SCN9A: variants seen among roughly 807,000 people sequenced by gnomAD.
SCN9A encodes the protein sodium channel protein type 9 subunit alpha.
SCN9A carries 131 observed loss-of-function variants against 187.0 expected under a neutral mutation model. The observed-to-expected ratio is 0.70, with a 90% CI of 0.61 to 0.81. The LOEUF (loss-of-function observed/expected upper bound fraction) is 0.81. SCN9A is among the 30% of genes least tolerant of loss of function. The pLI is 0.00. For missense variants in SCN9A, 2,252 were observed against 2,396.6 expected (o/e 0.94, Z 1.26); for synonymous variants, 809 against 808.6 (o/e 1.00, Z -0.01).
chr2:166,198,475 T>G lies in SCN9A; in HGVS notation c.*197A>C, dbSNP rs202044438. 4 of 547,606 alleles carry G rather than the reference T, an allele frequency of 7.3e-6. No homozygotes were observed. The highest frequency in any genetic ancestry group is 3.4e-5 in the Admixed American group (1 of 29,514). The allele number at this position is 547,606 out of a possible 1,614,324, so 33.9% of individuals were successfully genotyped here. A position where few individuals can be genotyped will look rare whatever the true frequency, so the allele number is the denominator to read the frequency against. On this transcript the variant is annotated 3_prime_UTR_variant, in exon 27 of 27. Transcript: ENST00000642356. ...TAATTCCTACAGAGTTCTCTTACGA[T>G]TCTTAAAGAATCATCAGTGCAAAAA... is the stretch of plus-strand genomic sequence containing the variant.
intron 15 of SCN9A, 89 bp downstream of exon 15, chr2:166,278,051 C>A: frequency 9.1e-7 from 1 of 1,095,988 alleles, no homozygotes; most frequent in South Asian, 1.7e-5. Flanking sequence ...CCTTTTGATT[C>A]AAATTCCCAA....
chr2:166,350,004 T>A (rs56292816), intron 1 of SCN9A, among the ~76,000 whole-genome samples: 23,731 of 150,026 alleles, frequency 0.16, 1,964 homozygotes, highest in African/African-American at 0.2. Context: ...AAATAAAAAA[T>A]AAAATAAAAT....
At chr2:166,357,270 G>C (rs571707506) in intron 1 of SCN9A, among the ~76,000 whole-genome samples, 1 of 152,260 alleles carries the variant, frequency 6.6e-6, no homozygotes, top group Non-Finnish European at 1.5e-5. Flanking sequence ...GAGTGAAATT[G>C]CTGAGTCATA....
intron 25 of SCN9A, 39 bp from the exon 26 acceptor site, chr2:166,204,264 C>T (rs1434800245): frequency 6.3e-7 from 1 of 1,585,518 alleles, no homozygotes. Flanking sequence ...GCAGAGTAAA[C>T]TTTTCAAGTA....
At chr2:166,228,568 T>A in intron 22 of SCN9A, 123 bp downstream of exon 22, 1 of 738,652 alleles carries the variant, frequency 1.4e-6, no homozygotes, top group Non-Finnish European at 2.0e-6. Context: ...AGACTGGCAC[T>A]GTTTTAAAAA....
At chr2:166,340,588 T>C (rs1699754991) in intron 1 of SCN9A, among the ~76,000 whole-genome samples, 1 of 106,484 alleles carries the variant, frequency 9.4e-6, no homozygotes, top group Admixed American at 9.1e-5. Flanking sequence ...CTTTCTTTCT[T>C]TCTTTCTTTC....
intron 1 of SCN9A, among the ~76,000 whole-genome samples, chr2:166,369,637 A>G (rs1528486): frequency 0.21 from 31,280 of 152,184 alleles, 4,084 homozygotes; most frequent in Non-Finnish European, 0.29. Flanking sequence ...TGCAAAGATC[A>G]TTTACAAAGA....
intron 24 of SCN9A, among the ~76,000 whole-genome samples, chr2:166,210,366 T>C (rs1694027317): frequency 6.6e-6 from 1 of 151,920 alleles, no homozygotes; most frequent in Non-Finnish European, 1.5e-5. Context: ...TGTTAAATGA[T>C]GAGTTAATGG....
intron 17 of SCN9A, among the ~76,000 whole-genome samples, chr2:166,263,669 G>T (rs536314340): frequency 6.6e-6 from 1 of 152,038 alleles, no homozygotes; most frequent in Non-Finnish European, 1.5e-5. Flanking sequence ...CCTAACCCTG[G>T]CATGTTTGAG....
At chr2:166,246,535 G>A (rs2106416573) in intron 18 of SCN9A, among the ~76,000 whole-genome samples, 1 of 151,844 alleles carries the variant, frequency 6.6e-6, no homozygotes, top group South Asian at 2.1e-4. Context: ...ATCTTTTTCA[G>A]GGAAAATAAA....
intron 17 of SCN9A, among the ~76,000 whole-genome samples, chr2:166,267,467 T>TG (rs1342116906): frequency 6.6e-6 from 1 of 152,036 alleles, no homozygotes; most frequent in Non-Finnish European, 1.5e-5. Context: ...AGTATTTTGT[T>TG]GGGGCATTTT....
chr2:166,264,417 A>G (rs535996012), intron 17 of SCN9A, among the ~76,000 whole-genome samples: 17 of 152,090 alleles, frequency 1.1e-4, no homozygotes, highest in African/African-American at 4.1e-4. Flanking sequence ...AAAGAGTATT[A>G]TTCTCATGGG....
chr2:166,353,285 C>T (rs1700083343), intron 1 of SCN9A, among the ~76,000 whole-genome samples: 2 of 151,152 alleles, frequency 1.3e-5, no homozygotes, highest in Admixed American at 6.6e-5. Context: ...CATTTAGTTG[C>T]CTAACACCAA....
At chr2:166,259,797 T>A (rs1696430021) in intron 17 of SCN9A, among the ~76,000 whole-genome samples, 3 of 151,872 alleles carry the variant, frequency 2.0e-5, no homozygotes, top group African/African-American at 7.2e-5. Flanking sequence ...ACACATTGAT[T>A]TGAATATGTC....
Position 166,272,857 on chromosome 2 carries a change from C to G in SCN9A, c.2893G>C (p.Ala965Pro). ...GNLVVLNLFL[A>P]LLLSSFSSDN... ...GAACTAAATGAGCTCAATAATAAGG[C>G]CAGAAATAGGTTTAGGACCTATATC... The change falls in exon 17 of 27, where the codon GCC (alanine) becomes CCC (proline). Residue 965 changes from alanine (A) to proline (P), a missense_variant. Coordinates refer to ENST00000642356, the MANE Select transcript of SCN9A (RefSeq NM_001365536.1). 6.7e-7 allele frequency: 1 copy of G among 1,491,768 alleles called. No homozygotes were observed. Among genetic ancestry groups the G allele is most frequent in the Non-Finnish European group, 8.9e-7 (1 of 1,121,756 alleles). The allele number at this position is 1,491,768 out of a possible 1,614,324, so 92.4% of individuals were successfully genotyped here.
At chr2:166,203,243 G>C (rs922648377) in intron 26 of SCN9A, among the ~76,000 whole-genome samples, 2 of 151,872 alleles carry the variant, frequency 1.3e-5, no homozygotes, top group Admixed American at 6.6e-5. Context: ...GATTAAACTT[G>C]TAGTAATCTC....
intron 12 of SCN9A, among the ~76,000 whole-genome samples, chr2:166,283,983 A>G (rs1471515490): frequency 6.6e-6 from 1 of 152,214 alleles, no homozygotes; most frequent in Non-Finnish European, 1.5e-5. Context: ...TGTCATAAAT[A>G]CTAAATATGT....
chr2:166,358,699 T>C (rs112779076), intron 1 of SCN9A, among the ~76,000 whole-genome samples: 5,854 of 152,290 alleles, frequency 0.038, 148 homozygotes, highest in Middle Eastern at 0.051. Context: ...CAGTGGCTCC[T>C]GTGTTTTATA....
chr2:166,348,958 T>C (rs1358582662), intron 1 of SCN9A, among the ~76,000 whole-genome samples: 17 of 151,958 alleles, frequency 1.1e-4, no homozygotes, highest in East Asian at 3.9e-4. Context: ...AAACTCCATC[T>C]CTACTAAAAA....
Sources: allele counts gnomAD v4.1 joint callset (sites outside exome capture counted in the v4.1 genomes callset), GRCh38; gene constraint gnomAD v4.1.1; transcripts MANE v1.5; gene names NCBI Gene and HGNC (gene_info 2026-07-23, HGNC 2026-07-21).